Variants in STX8 observed in about 807,000 individuals in gnomAD.
STX8 encodes syntaxin-8.
A neutral mutation model predicts 37.5 loss-of-function variants in STX8; 23 were observed. That is an observed-to-expected ratio of 0.61 (90% CI 0.44 to 0.87). The LOEUF (loss-of-function observed/expected upper bound fraction) is 0.87. STX8 is among the 40% of genes least tolerant of loss of function. The pLI is 0.00. For synonymous variants in STX8, 115 were observed against 99.1 expected, an observed-to-expected ratio of 1.16 and a Z score of -0.95; for missense variants, 313 against 284.7, an observed-to-expected ratio of 1.10 and a Z score of -0.71.
intron 7 of STX8, among the ~76,000 whole-genome samples, chr17:9,369,886 C>CAAAAAAAAAAAAAAA (rs60178482): frequency 1.3e-4 from 7 of 52,140 alleles, no homozygotes; most frequent in Non-Finnish European, 1.5e-4. Flanking sequence ...GACCCTGTAC[C>CAAAAAAAAAAAAAAA]AAAAAAAAAA....
At chr17:9,340,824 A>ATT (rs1910330279) in intron 7 of STX8, among the ~76,000 whole-genome samples, 1 of 150,096 alleles carries the variant, frequency 6.7e-6, no homozygotes. Context: ...TGCCTGGCTA[A>ATT]TTTTGTATTT....
intron 3 of STX8, among the ~76,000 whole-genome samples, chr17:9,548,750 C>T (rs1344530143): frequency 1.3e-5 from 2 of 151,910 alleles, no homozygotes; most frequent in African/African-American, 4.8e-5. Context: ...CAAAATATAA[C>T]ATTAAACCAA....
At chr17:9,362,841 A>AT (rs1242731211) in intron 7 of STX8, among the ~76,000 whole-genome samples, 4 of 105,914 alleles carry the variant, frequency 3.8e-5, no homozygotes, top group Non-Finnish European at 8.1e-5. Context: ...AAAAAAAAAA[A>AT]AATAAATAAA....
At chr17:9,570,727 C>T (rs1324391652) in intron 1 of STX8, among the ~76,000 whole-genome samples, 1 of 152,048 alleles carries the variant, frequency 6.6e-6, no homozygotes, top group African/African-American at 2.4e-5. Context: ...CCAGACCATA[C>T]ATATAAAAAT....
chr17:9,362,129 A>C (rs1911080809), intron 7 of STX8, among the ~76,000 whole-genome samples: 2 of 152,180 alleles, frequency 1.3e-5, no homozygotes, highest in African/African-American at 4.8e-5. Context: ...TCAGGAGTTC[A>C]AGATCAGCCT....
chr17:9,282,287 C>G (rs1907914525), intron 7 of STX8, among the ~76,000 whole-genome samples: 1 of 152,172 alleles, frequency 6.6e-6, no homozygotes, highest in Non-Finnish European at 1.5e-5. Flanking sequence ...CACCTGCCAT[C>G]ATGCCCAGCT....
chr17:9,336,886 G>A (rs926586908), intron 7 of STX8, among the ~76,000 whole-genome samples: 1 of 152,086 alleles, frequency 6.6e-6, no homozygotes, highest in African/African-American at 2.4e-5. Flanking sequence ...TTCCTACAAG[G>A]CCACAGCCAG....
At chr17:9,500,523 G>A (rs1346723019) in intron 5 of STX8, among the ~76,000 whole-genome samples, 2 of 152,184 alleles carry the variant, frequency 1.3e-5, no homozygotes, top group African/African-American at 4.8e-5. Flanking sequence ...CACAGGACCA[G>A]AGAGGACTGC....
intron 7 of STX8, among the ~76,000 whole-genome samples, chr17:9,294,176 C>G (rs770798732): frequency 2.6e-5 from 4 of 152,134 alleles, no homozygotes; most frequent in African/African-American, 4.8e-5. Context: ...TGCTGTTGGT[C>G]ACATCTTGCT....
At chr17:9,531,515 A>G (rs904080441) in intron 4 of STX8, among the ~76,000 whole-genome samples, 22 of 152,182 alleles carry the variant, frequency 1.4e-4, no homozygotes, top group Non-Finnish European at 3.2e-4. Flanking sequence ...CACTCCGAAA[A>G]TATTATAGAC....
Position 9,315,997 on chromosome 17 carries a change from A to G in STX8, c.643+62555T>C, listed in dbSNP as rs1439162965. On this transcript the variant is annotated intron_variant, in intron 7 of 7. Coordinates refer to ENST00000306357, the MANE Select transcript of STX8 (RefSeq NM_004853.3). Reference sequence around the variant, plus strand: ...GCCACTGCACTCCAGCCTGGGTGATAGAGTGAGACTCCATCTCCAATTAAA... The same window carrying G: ...GCCACTGCACTCCAGCCTGGGTGATGGAGTGAGACTCCATCTCCAATTAAA... Among the ~76,000 whole-genome samples the G allele has an allele frequency of 2.7e-5, 4 of 150,288 alleles. No homozygotes were observed. In the East Asian group the frequency reaches 5.8e-4, roughly 22 times the overall value.
intron 7 of STX8, among the ~76,000 whole-genome samples, chr17:9,318,065 G>A (rs956248404): frequency 6.6e-6 from 1 of 152,146 alleles, no homozygotes; most frequent in Non-Finnish European, 1.5e-5. Context: ...AAAGTCTATG[G>A]CATGCTATAG....
At chr17:9,393,521 A>G (rs1337337078) in intron 6 of STX8, among the ~76,000 whole-genome samples, 1 of 152,236 alleles carries the variant, frequency 6.6e-6, no homozygotes, top group African/African-American at 2.4e-5. Flanking sequence ...AGTATAATAC[A>G]TAAGACAATT....
chr17:9,267,522 C>T (rs1013447223), intron 7 of STX8, among the ~76,000 whole-genome samples: 15 of 152,186 alleles, frequency 9.9e-5, no homozygotes, highest in Non-Finnish European at 1.5e-4. Context: ...CTGAGCTGAA[C>T]GCAGCAGCCT....
chr17:9,494,311 G>A (rs1226031359), intron 5 of STX8, among the ~76,000 whole-genome samples: 2 of 147,782 alleles, frequency 1.4e-5, no homozygotes, highest in African/African-American at 2.5e-5. Flanking sequence ...CACCGCCCCC[G>A]GCCCCCATGA....
intron 7 of STX8, among the ~76,000 whole-genome samples, chr17:9,282,409 C>G (rs1907918900): frequency 6.6e-6 from 1 of 152,252 alleles, no homozygotes; most frequent in Admixed American, 6.5e-5. Context: ...GCTGGGATTA[C>G]AGGCGTGAGC....
chr17:9,353,674 A>G (rs1222109643), intron 7 of STX8, among the ~76,000 whole-genome samples: 3 of 152,226 alleles, frequency 2.0e-5, no homozygotes, highest in Non-Finnish European at 4.4e-5. Flanking sequence ...AAATCTACTT[A>G]GTAGAATTCA....
At chr17:9,336,469 T>C (rs1053577408) in intron 7 of STX8, among the ~76,000 whole-genome samples, 1 of 151,782 alleles carries the variant, frequency 6.6e-6, no homozygotes, top group African/African-American at 2.4e-5. Flanking sequence ...GGAGTCTCAC[T>C]CTGTGTCCCA....
intron 7 of STX8, among the ~76,000 whole-genome samples, chr17:9,269,576 C>A (rs921029101): frequency 6.6e-6 from 1 of 152,212 alleles, no homozygotes; most frequent in South Asian, 2.1e-4. Context: ...TGCTTATCCA[C>A]TCTTCTGGAA....
Sources: gnomAD v4.1 joint callset for allele counts (sites outside exome capture counted in the v4.1 genomes callset) on GRCh38, gnomAD v4.1.1 for gene constraint, MANE v1.5 for transcripts, NCBI Gene and HGNC (gene_info 2026-07-23, HGNC 2026-07-21) for gene names.